The following GALNT13 variants were observed in gnomAD, a reference collection of about 807,000 sequenced individuals.
The protein encoded by GALNT13 is polypeptide N-acetylgalactosaminyltransferase 13.
A neutral mutation model predicts 64.2 loss-of-function variants in GALNT13; 28 were observed. The observed-to-expected ratio is 0.44, with a 90% CI of 0.32 to 0.60. GALNT13 has a LOEUF of 0.60. Among genes scored for constraint, GALNT13 ranks in the 20% least tolerant of loss-of-function variants. The pLI, the probability that GALNT13 is intolerant of heterozygous loss-of-function variation, is 0.05. For missense variants in GALNT13, 577 were observed against 669.8 expected (o/e 0.86, Z 1.53); for synonymous variants, 214 against 224.6 (o/e 0.95, Z 0.42).
chr2:153,887,741 T>C (rs916792032), intron 1 of GALNT13, among the ~76,000 whole-genome samples: 16 of 152,028 alleles, frequency 1.1e-4, no homozygotes, highest in Non-Finnish European at 1.6e-4. Context: ...ACAGCCATCT[T>C]GCATTTCCCC....
At chr2:153,738,951 C>A in the GALNT13 span, among the ~76,000 whole-genome samples, 2,607 of 151,986 alleles carry the variant, frequency 0.017, 76 homozygotes, top group East Asian at 0.13. Flanking sequence ...AACCACTTAG[C>A]TTCTACCATT....
At chr2:154,158,677 T>C (rs573773621) in intron 4 of GALNT13, among the ~76,000 whole-genome samples, 1 of 152,324 alleles carries the variant, frequency 6.6e-6, no homozygotes, top group Admixed American at 6.5e-5. Flanking sequence ...ACCTTTTTAC[T>C]TCCTATTCTC....
chr2:154,425,451 G>A (rs756122791), intron 11 of GALNT13, among the ~76,000 whole-genome samples: 1 of 152,048 alleles, frequency 6.6e-6, no homozygotes, highest in Non-Finnish European at 1.5e-5. Flanking sequence ...GCTGCATAAT[G>A]GTACCAACTA....
the GALNT13 span, among the ~76,000 whole-genome samples, chr2:153,374,153 T>C: frequency 2.6e-5 from 4 of 152,202 alleles, no homozygotes; most frequent in African/African-American, 9.7e-5. Context: ...ATTTTTAATT[T>C]TTTGAAGAAT....
At chr2:154,211,794 T>C (rs1338454962) in intron 4 of GALNT13, among the ~76,000 whole-genome samples, 3 of 152,052 alleles carry the variant, frequency 2.0e-5, no homozygotes, top group South Asian at 2.1e-4. Context: ...TTTAAAGTTA[T>C]GGTCCTAGAT....
intron 3 of GALNT13, among the ~76,000 whole-genome samples, chr2:154,135,295 T>G (rs1682886087): frequency 1.3e-5 from 2 of 152,282 alleles, no homozygotes; most frequent in South Asian, 4.1e-4. Context: ...AGTGTTCTCT[T>G]GTTTCTGTGG....
the GALNT13 span, among the ~76,000 whole-genome samples, chr2:153,196,360 G>T: frequency 1.3e-5 from 2 of 151,956 alleles, no homozygotes; most frequent in African/African-American, 4.8e-5. Flanking sequence ...GGGGGCCAAG[G>T]TGGCAGGGGG....
chr2:153,619,952 G>A, the GALNT13 span, among the ~76,000 whole-genome samples: 1 of 151,982 alleles, frequency 6.6e-6, no homozygotes, highest in African/African-American at 2.4e-5. Flanking sequence ...TCTGCTTGGT[G>A]TTCCATAACC....
chr2:154,447,048 T>C (rs13419570), intron 12 of GALNT13, among the ~76,000 whole-genome samples: 20,182 of 151,738 alleles, frequency 0.13, 1,524 homozygotes, highest in African/African-American at 0.18. Flanking sequence ...TTATGAAATA[T>C]TAACTCTCTT....
chr2:154,028,759 A>G (rs1004444940), intron 3 of GALNT13, among the ~76,000 whole-genome samples: 1 of 152,160 alleles, frequency 6.6e-6, no homozygotes, highest in African/African-American at 2.4e-5. Context: ...ATGATACAAC[A>G]TATGAATTAA....
Position 154,059,963 on chromosome 2 carries a change from C to G in GALNT13, c.143-80374C>G, listed in dbSNP as rs116390072. Reference sequence around the variant, plus strand: ...TCCTCCAAAATTCATATGTTGAAATCCTAATCCCTACTGTGATGGTATTTG... The same window carrying G: ...TCCTCCAAAATTCATATGTTGAAATGCTAATCCCTACTGTGATGGTATTTG... On this transcript the variant is annotated intron_variant, in intron 3 of 12. Transcript: ENST00000392825. Among the ~76,000 whole-genome samples, 583 of 152,168 alleles carry G rather than the reference C, an allele frequency of 3.8e-3. 7 individuals carry two copies. Among genetic ancestry groups the G allele is most frequent in the African/African-American group, 0.014 (561 of 41,496 alleles).
At chr2:154,157,528 G>T (rs1400277006) in intron 4 of GALNT13, among the ~76,000 whole-genome samples, 1 of 152,042 alleles carries the variant, frequency 6.6e-6, no homozygotes, top group Non-Finnish European at 1.5e-5. Context: ...TCTCTCTTCG[G>T]TTATTCTTAC....
At chr2:153,346,336 T>C in the GALNT13 span, among the ~76,000 whole-genome samples, 1 of 152,186 alleles carries the variant, frequency 6.6e-6, no homozygotes, top group African/African-American at 2.4e-5. Context: ...CTGTACAAAT[T>C]GCTTTTAGAG....
At chr2:153,389,609 C>A in the GALNT13 span, among the ~76,000 whole-genome samples, 1 of 152,058 alleles carries the variant, frequency 6.6e-6, no homozygotes, top group Admixed American at 6.6e-5. Flanking sequence ...TGAAAGAATG[C>A]CCGGAGGTCC....
At chr2:153,286,637 A>G in the GALNT13 span, among the ~76,000 whole-genome samples, 1 of 152,332 alleles carries the variant, frequency 6.6e-6, no homozygotes, top group South Asian at 2.1e-4. Flanking sequence ...ACACCAGTGC[A>G]TGCACTTCAG....
intron 10 of GALNT13, 94 bp downstream of exon 10, chr2:154,396,224 G>T: frequency 2.7e-6 from 2 of 742,940 alleles, no homozygotes; most frequent in South Asian, 3.1e-5. Flanking sequence ...TGAAAATGCT[G>T]TAAGGGATTT....
At chr2:153,338,516 T>C in the GALNT13 span, among the ~76,000 whole-genome samples, 1 of 152,184 alleles carries the variant, frequency 6.6e-6, no homozygotes, top group Non-Finnish European at 1.5e-5. Context: ...AAATGATATA[T>C]ACTTATGGTG....
chr2:153,163,527 A>G, the GALNT13 span, among the ~76,000 whole-genome samples: 4 of 152,296 alleles, frequency 2.6e-5, no homozygotes, highest in East Asian at 3.9e-4. Flanking sequence ...TGGGGTCCCA[A>G]CTAAGCTCTC....
the GALNT13 span, among the ~76,000 whole-genome samples, chr2:153,097,193 GTTTCTA>G: frequency 6.6e-6 from 1 of 151,948 alleles, no homozygotes; most frequent in Admixed American, 6.6e-5. Flanking sequence ...AACTTATACT[GTTTCTA>G]TTTATATTTT....
Sources: gnomAD v4.1 joint callset for allele counts (sites outside exome capture counted in the v4.1 genomes callset) on GRCh38, gnomAD v4.1.1 for gene constraint, MANE v1.5 for transcripts, NCBI Gene and HGNC (gene_info 2026-07-23, HGNC 2026-07-21) for gene names.